The following ADGRA3 variants were observed in gnomAD, a reference collection of about 807,000 sequenced individuals.
ADGRA3 encodes G-protein coupled receptor 125.
Under a neutral mutation model 119.8 loss-of-function variants are expected in ADGRA3, and 56 were observed. The ratio of observed to expected loss-of-function variants is 0.47; its 90% CI spans 0.38 to 0.58. ADGRA3 has a LOEUF of 0.58. Ranked by LOEUF, ADGRA3 falls within the 20% of genes least tolerant of loss-of-function variation. ADGRA3 has a pLI of 0.00. For missense variants in ADGRA3, 1,516 were observed against 1,649.0 expected (o/e 0.92, Z 1.40); for synonymous variants, 607 against 623.8 (o/e 0.97, Z 0.40).
intron 10 of ADGRA3, among the ~76,000 whole-genome samples, chr4:22,426,712 T>A (rs958325976): frequency 3.3e-5 from 5 of 152,216 alleles, no homozygotes; most frequent in Non-Finnish European, 7.3e-5. Context: ...CACCCTATTT[T>A]AATGAACTAA....
chr4:22,389,494 A>G (rs1012590270), intron 17 of ADGRA3, among the ~76,000 whole-genome samples: 1 of 145,790 alleles, frequency 6.9e-6, no homozygotes, highest in South Asian at 2.2e-4. Context: ...CAGCTTACTT[A>G]CTCTTACTTT....
At chr4:22,466,757 T>C (rs1332570847) in intron 2 of ADGRA3, among the ~76,000 whole-genome samples, 1 of 151,410 alleles carries the variant, frequency 6.6e-6, no homozygotes, top group Admixed American at 6.6e-5. Context: ...CCCTGTCCTG[T>C]GGCATCTCTT....
chr4:22,389,195 A>G lies in ADGRA3; in HGVS notation c.2628-12T>C, dbSNP rs564114927. The G allele has an allele frequency of 6.3e-7, 1 of 1,580,140 alleles. No homozygotes were observed. The highest frequency in any genetic ancestry group is 1.7e-5 in the Admixed American group (1 of 59,792). On this transcript the variant is annotated splice_polypyrimidine_tract_variant and intron_variant, in intron 17 of 18. Transcript: ENST00000334304. ...CAATCAGGTAAAATCTAGAAGGAGGAATCACAGGAAAAACCACTCATCATT... is the reference window on the plus strand; with the variant it reads ...CAATCAGGTAAAATCTAGAAGGAGGGATCACAGGAAAAACCACTCATCATT...
At chr4:22,490,254 TGTTTA>T (rs755491409) in intron 1 of ADGRA3, among the ~76,000 whole-genome samples, 45 of 46,136 alleles carry the variant, frequency 9.8e-4, no homozygotes, top group Non-Finnish European at 2.6e-3. Flanking sequence ...AATGAAAAAC[TGTTTA>T]TTAAATAACA....
intron 1 of ADGRA3, among the ~76,000 whole-genome samples, chr4:22,493,519 TGCTCTCCTG>T (rs1188759789): frequency 3.9e-5 from 6 of 152,198 alleles, no homozygotes; most frequent in Admixed American, 3.9e-4. Context: ...ATAGTTTCTC[TGCTCTCCTG>T]GCAATACCTG....
chr4:22,497,061 G>A (rs925362298), intron 1 of ADGRA3, among the ~76,000 whole-genome samples: 7 of 152,168 alleles, frequency 4.6e-5, no homozygotes, highest in Non-Finnish European at 1.0e-4. Context: ...CTTTTGGGGC[G>A]AATCATAACC....
chr4:22,401,479 G>A lies in ADGRA3; in HGVS notation c.2433C>T (p.Val811=). The A allele has an allele frequency of 1.2e-6, 2 of 1,611,658 alleles. No homozygotes were observed. The highest frequency in any genetic ancestry group is 8.5e-7 in the Non-Finnish European group (1 of 1,178,702). ...LCFHIFLTCV[V]FVGGITQTRN... is the part of the protein sequence containing the mutation. Reference sequence around the variant, plus strand: ...TAGTCTGGGTTATTCCTCCCACAAAGACCACACAGGTTAGGAAAATATGAA... The same window carrying A: ...TAGTCTGGGTTATTCCTCCCACAAAAACCACACAGGTTAGGAAAATATGAA... Residue 811 remains valine (V), a synonymous_variant, in exon 16 of 19, where the codon GTC becomes GTT. Coordinates refer to ENST00000334304, the MANE Select transcript of ADGRA3 (RefSeq NM_145290.4).
At chr4:22,482,587 C>T (rs1294733030) in intron 1 of ADGRA3, among the ~76,000 whole-genome samples, 1 of 151,948 alleles carries the variant, frequency 6.6e-6, no homozygotes, top group Non-Finnish European at 1.5e-5. Flanking sequence ...ATTGCTCAAG[C>T]CCAGGGGGTT....
intron 16 of ADGRA3, chr4:22,394,207 T>A (rs1714256405): frequency 6.6e-6 from 1 of 152,182 alleles, no homozygotes; most frequent in Non-Finnish European, 1.5e-5. Flanking sequence ...AATAAAATTA[T>A]GGACCACTGT....
chr4:22,509,511 A>AG (rs1719364698), intron 1 of ADGRA3, among the ~76,000 whole-genome samples: 1 of 139,410 alleles, frequency 7.2e-6, no homozygotes, highest in Admixed American at 6.9e-5. Flanking sequence ...TCAAAAAAAA[A>AG]GAAAAGAAAA....
At chr4:22,489,440 T>C (rs1472058581) in intron 1 of ADGRA3, among the ~76,000 whole-genome samples, 7 of 152,266 alleles carry the variant, frequency 4.6e-5, no homozygotes, top group South Asian at 2.1e-4. Context: ...TGGCACTAAA[T>C]TGTACACTAA....
In ADGRA3 at chr4:22,456,442, T is replaced by C. The variant is rs74885259; in HGVS notation, c.402-1505A>G. On this transcript the variant is annotated intron_variant, in intron 3 of 18. Transcript: ENST00000334304. ...AAAGAGAGGGCTTGTCTCTCTCTGC[T>C]CTCTCTCTCCCCTTCCACAGCAGGA... is the stretch of plus-strand genomic sequence containing the variant. 9.0e-3 allele frequency among the ~76,000 whole-genome samples: 1,375 copies of C among 152,150 alleles called. 36 individuals carry two copies. Among genetic ancestry groups the C allele is most frequent in the Admixed American group, 0.048 (730 of 15,276 alleles).
chr4:22,446,430 C>T (rs1031759971), intron 5 of ADGRA3, among the ~76,000 whole-genome samples: 5 of 152,000 alleles, frequency 3.3e-5, no homozygotes, highest in Admixed American at 2.0e-4. Flanking sequence ...GACCTGAGCC[C>T]ACTAAATAAG....
At chr4:22,397,712 A>G (rs1422490936) in intron 16 of ADGRA3, among the ~76,000 whole-genome samples, 1 of 152,054 alleles carries the variant, frequency 6.6e-6, no homozygotes, top group Non-Finnish European at 1.5e-5. Flanking sequence ...AACTTTCATG[A>G]GATCTGATGG....
intron 17 of ADGRA3, among the ~76,000 whole-genome samples, chr4:22,389,864 T>C (rs1714036946): frequency 1.3e-5 from 2 of 152,190 alleles, no homozygotes; most frequent in African/African-American, 4.8e-5. Context: ...TTGATCTCTC[T>C]GAAAATAAAT....
intron 14 of ADGRA3, among the ~76,000 whole-genome samples, chr4:22,407,122 T>G (rs35656813): frequency 0.7 from 105,568 of 151,822 alleles, 37,060 homozygotes; most frequent in Non-Finnish European, 0.75. Context: ...ATACAAAAAA[T>G]TAGCCAGGCG....
intron 2 of ADGRA3, among the ~76,000 whole-genome samples, chr4:22,468,939 CT>C (rs988645883): frequency 1.3e-5 from 2 of 151,952 alleles, no homozygotes; most frequent in African/African-American, 4.8e-5. Context: ...ATAATTCCAT[CT>C]TCTAATAATA....
chr4:22,415,295 A>G (rs918977786), intron 12 of ADGRA3, among the ~76,000 whole-genome samples: 2 of 152,222 alleles, frequency 1.3e-5, no homozygotes, highest in Admixed American at 1.3e-4. Context: ...CTTTAGAATT[A>G]ATGATGTTAG....
At chr4:22,419,418 T>C (rs1408620226) in intron 12 of ADGRA3, among the ~76,000 whole-genome samples, 1 of 152,168 alleles carries the variant, frequency 6.6e-6, no homozygotes, top group East Asian at 1.9e-4. Context: ...TTTCATTCAG[T>C]TTAATCGTGT....
Sources: gnomAD v4.1 joint callset for allele counts (sites outside exome capture counted in the v4.1 genomes callset) on GRCh38, gnomAD v4.1.1 for gene constraint, MANE v1.5 for transcripts, NCBI Gene and HGNC (gene_info 2026-07-23, HGNC 2026-07-21) for gene names.